Variants in ENDOV observed in about 807,000 individuals in gnomAD.
The protein encoded by ENDOV is endonuclease V.
Under a neutral mutation model 39.4 loss-of-function variants are expected in ENDOV, and 37 were observed. That is an observed-to-expected ratio of 0.94 (90% CI 0.72 to 1.23). The LOEUF (loss-of-function observed/expected upper bound fraction) is 1.23, where lower values mean the gene tolerates loss of function less well. Among genes scored for constraint, ENDOV ranks in the 50% most tolerant of loss-of-function variants. The probability of loss-of-function intolerance (pLI) is 0.00; values close to 1 mark genes in which losing one functional copy is unlikely to be tolerated. For missense variants in ENDOV, 441 were observed against 375.7 expected (o/e 1.17, Z -1.44); for synonymous variants, 186 against 163.4 (o/e 1.14, Z -1.05).
chr17:80,434,136 C>T (rs2083474733), intron 9 of ENDOV, among the ~76,000 whole-genome samples: 1 of 152,146 alleles, frequency 6.6e-6, no homozygotes, highest in Non-Finnish European at 1.5e-5. Flanking sequence ...GGGCACCATG[C>T]CGACGTGGAA....
intron 7 of ENDOV, among the ~76,000 whole-genome samples, chr17:80,427,232 C>G (rs151209436): frequency 1.4e-4 from 22 of 152,362 alleles, no homozygotes; most frequent in Middle Eastern, 3.4e-3. Flanking sequence ...CTTTCTTCCT[C>G]CATTCCAACT....
At position 80,430,055 on chromosome 17, in the gene ENDOV, C is replaced by T. The variant is rs1167823551; in HGVS notation, c.838+224C>T. 25 of 1,535,690 alleles carry T rather than the reference C, an allele frequency of 1.6e-5. No homozygotes were observed. The Admixed American group carries it at 2.9e-4, about 18-fold the overall frequency. On this transcript the variant is annotated intron_variant, in intron 9 of 9. Coordinates refer to ENST00000518137, the MANE Select transcript of ENDOV (RefSeq NM_173627.5). ...CTCAGCCGCAGGTGGAGCACCCAGTCCCCAAAGACAGGCTGACCGCACCAC... is the reference window on the plus strand; with the variant it reads ...CTCAGCCGCAGGTGGAGCACCCAGTTCCCAAAGACAGGCTGACCGCACCAC...
intron 7 of ENDOV, among the ~76,000 whole-genome samples, chr17:80,428,177 G>T (rs560744331): frequency 4.7e-4 from 72 of 152,356 alleles, no homozygotes; most frequent in Admixed American, 2.2e-3. Context: ...GGACAGACCA[G>T]CTGGGCTCAG....
intron 2 of ENDOV, chr17:80,416,037 A>G (rs1446667269): frequency 4.0e-6 from 2 of 498,018 alleles, no homozygotes; most frequent in South Asian, 2.3e-5. Context: ...CGGGAGTTCG[A>G]GACCAGCCTG....
Position 80,425,011 on chromosome 17 carries a change from AT to A in ENDOV, c.517-16del. 1 of 1,606,306 alleles carries A rather than the reference AT, an allele frequency of 6.2e-7. No individual in the cohort carries two copies. On this transcript the variant is annotated intron_variant, in intron 5 of 9. Transcript: ENST00000518137. ...CAAGAAGAGAGGGGTTTTTTTCCCC[AT>A]TTTTCCCTCCATTTTCCAGATCCGA...
intron 7 of ENDOV, 101 bp from the exon 8 acceptor site, chr17:80,428,495 T>C (rs2083004943): frequency 8.7e-7 from 1 of 1,148,540 alleles, no homozygotes; most frequent in Non-Finnish European, 1.3e-6. Flanking sequence ...GTGTCCTGAG[T>C]GGGCTTCTGT....
Position 80,428,699 on chromosome 17 carries a change from TCA to T in ENDOV, c.779+42_779+43del, listed in dbSNP as rs762260510. On this transcript the variant is annotated intron_variant, in intron 8 of 9. Transcript: ENST00000518137. The stretch of plus-strand genomic sequence containing the variant: ...GAGGCTGGGGCACTAAAGGGGCATC[TCA>T]CAGACACCTGCATGGGCTGTTTCCG... 5.8e-6 allele frequency: 9 copies of T among 1,546,436 alleles called. No individual in the cohort carries two copies. In the African/African-American group the frequency reaches 1.1e-4, roughly 19 times the overall value.
Position 80,419,846 on chromosome 17 carries a change from T to G in ENDOV, c.229-1982T>G, listed in dbSNP as rs41298678. 377 of 602,452 alleles carry G rather than the reference T, an allele frequency of 6.3e-4. 4 individuals are homozygous for G. The East Asian group carries it at 8.3e-3, about 13-fold the overall frequency. 37.3% of individuals were successfully genotyped at this position (602,452 alleles called of 1,614,324 possible). A position where few individuals can be genotyped will look rare whatever the true frequency, so the allele number is the denominator to read the frequency against. ...TAGACCTAACTGTCACCCACGCCAT[T>G]TCAGTCGGTGTAGCTGGAAACACTG... On this transcript the variant is annotated intron_variant, in intron 2 of 9. Coordinates refer to ENST00000518137, the MANE Select transcript of ENDOV (RefSeq NM_173627.5).
chr17:80,422,386 C>A, intron 4 of ENDOV, 141 bp downstream of exon 4: 3 of 1,012,458 alleles, frequency 3.0e-6, no homozygotes, highest in South Asian at 1.4e-5. Flanking sequence ...CTCGGCGCAA[C>A]GGGGACGCGC....
In ENDOV at chr17:80,429,810, G is replaced by A; in HGVS notation, c.817G>A (p.Gly273Arg). The change falls in exon 9 of 10, where the codon GGA becomes AGA. Residue 273 changes from glycine to arginine, a missense_variant. Gly to Arg is a moderately radical substitution (Grantham distance 125). Transcript: ENST00000518137. ...GCAGAGGCCAGTGGCATGCCCCAAA[G>A]GAGACTCCGGAGAGTCCTCAGGTGA... is the stretch of plus-strand genomic sequence containing the variant. ...KAQRPVACPK[G>R]DSGESSALC 1 of 1,612,570 alleles carries A rather than the reference G, an allele frequency of 6.2e-7. No individual in the cohort carries two copies. The highest frequency in any genetic ancestry group is 1.1e-5 in the South Asian group (1 of 91,042).
intron 7 of ENDOV, 150 bp downstream of exon 7, chr17:80,425,770 G>A (rs2082622720): frequency 1.6e-6 from 2 of 1,277,970 alleles, no homozygotes; most frequent in African/African-American, 1.5e-5. Context: ...CAGACATCTT[G>A]CTGGAGAGCT....
intron 2 of ENDOV, chr17:80,418,335 ACCT>A (rs2081480367): frequency 6.6e-6 from 1 of 152,298 alleles, no homozygotes; most frequent in Non-Finnish European, 1.5e-5. Context: ...CAAATTAATC[ACCT>A]CATCTGCATC....
intron 2 of ENDOV, chr17:80,420,143 G>A (rs1340551004): frequency 2.4e-5 from 4 of 166,000 alleles, no homozygotes; most frequent in African/African-American, 9.5e-5. Context: ...TGACAGCTCA[G>A]AAGACATCAG....
intron 8 of ENDOV, among the ~76,000 whole-genome samples, 185 bp downstream of exon 8, chr17:80,428,845 C>T (rs1053674588): frequency 6.6e-6 from 1 of 152,150 alleles, no homozygotes; most frequent in African/African-American, 2.4e-5. Context: ...GGGGTAGACT[C>T]CTATTCTCGT....
rs1454625897 is a variant in ENDOV, at chr17:80,421,836, T to C, written c.237T>C (p.Tyr79=). 2 of 1,597,516 alleles carry C rather than the reference T, an allele frequency of 1.3e-6. No homozygotes were observed. The highest frequency in any genetic ancestry group is 1.7e-6 in the Non-Finnish European group (2 of 1,172,566). The change falls in exon 3 of 10, where the codon TAT becomes TAC. Residue 79 remains tyrosine (Y), a synonymous_variant. Coordinates refer to ENST00000518137, the MANE Select transcript of ENDOV (RefSeq NM_173627.5). ...TGCGTGCCTGGTGTCAGGTGGTGTA[T>C]GAGGAGAGCCGCATGGTCAGCCTCA... is the stretch of plus-strand genomic sequence containing the variant. ...VLSFPELEVV[Y]EESRMVSLTA...
At chr17:80,428,745 G>A in intron 8 of ENDOV, 85 bp downstream of exon 8, 1 of 1,340,318 alleles carries the variant, frequency 7.5e-7, no homozygotes, top group Middle Eastern at 1.8e-4. Flanking sequence ...GCCTCTCCTT[G>A]TTGCAATATT....
chr17:80,421,639 C>T (rs1490778847), intron 2 of ENDOV, among the ~76,000 whole-genome samples, 189 bp from the exon 3 acceptor site: 1 of 152,098 alleles, frequency 6.6e-6, no homozygotes, highest in African/African-American at 2.4e-5. Context: ...CTGCCCACCA[C>T]CAATTTGCAG....
Position 80,423,546 on chromosome 17 carries a change from G to C in ENDOV, c.430G>C (p.Val144Leu), listed in dbSNP as rs373243964. ...RGFGVACHLGVLTDLPCVGVA... is the reference protein window; with the variant it reads ...RGFGVACHLGLLTDLPCVGVA... Reference sequence around the variant, plus strand: ...CTTTGGGGTGGCCTGCCACCTTGGCGTCCTTACAGACCTGCCGTGTGTTGG... The same window carrying C: ...CTTTGGGGTGGCCTGCCACCTTGGCCTCCTTACAGACCTGCCGTGTGTTGG... Residue 144 changes from valine (V) to leucine (L), a missense_variant, in exon 5 of 10, where the codon GTC (valine) becomes CTC (leucine). Val to Leu is a conservative substitution (Grantham distance 32, BLOSUM62 1). Transcript: ENST00000518137. 1.3e-6 allele frequency: 2 copies of C among 1,551,480 alleles called. No individual in the cohort carries two copies. Among genetic ancestry groups the C allele is most frequent in the South Asian group, 2.4e-5 (2 of 84,042 alleles).
chr17:80,417,682 C>T (rs1223362442), intron 2 of ENDOV: 2 of 152,222 alleles, frequency 1.3e-5, no homozygotes, highest in African/African-American at 4.8e-5. Context: ...TTGGGGAGGA[C>T]ACCAGCATTT....
Sources: gnomAD v4.1 joint callset for allele counts (sites outside exome capture counted in the v4.1 genomes callset) on GRCh38, gnomAD v4.1.1 for gene constraint, MANE v1.5 for transcripts, NCBI Gene and HGNC (gene_info 2026-07-23, HGNC 2026-07-21) for gene names.